SPTLC2: variants seen among roughly 807,000 people sequenced by gnomAD.
The protein encoded by SPTLC2 is serine palmitoyltransferase 2.
In SPTLC2, 21 loss-of-function variants were observed where a neutral mutation model predicts 62.0. The observed-to-expected ratio is 0.34, with a 90% confidence interval of 0.24 to 0.49. The LOEUF is 0.49. Among genes scored for constraint, SPTLC2 ranks in the 20% least tolerant of loss-of-function variants. The pLI, the probability that SPTLC2 is intolerant of heterozygous loss-of-function variation, is 0.99. For missense variants in SPTLC2, 511 were observed against 713.0 expected (o/e 0.72, Z 3.23); for synonymous variants, 261 against 261.8 (o/e 1.00, Z 0.03).
Position 77,555,429 on chromosome 14 carries a change from A to G in SPTLC2, c.1047T>C (p.Ile349=). ...AYLYLDEAHS[I]GALGPTGRGV... ...CCCGGCCTGTGGGGCCCAGGGCGCCAATGCTGTGAGCCTCATCCAGATACA... is the reference window on the plus strand; with the variant it reads ...CCCGGCCTGTGGGGCCCAGGGCGCCGATGCTGTGAGCCTCATCCAGATACA... The change falls in exon 8 of 12, where the codon ATT becomes ATC. Residue 349 remains isoleucine, a synonymous_variant. Transcript: ENST00000216484. 6.2e-7 allele frequency: 1 copy of G among 1,614,198 alleles called. No homozygotes were observed. Among genetic ancestry groups the G allele is most frequent in the Non-Finnish European group, 8.5e-7 (1 of 1,180,028 alleles).
chr14:77,517,277 T>C (rs2079363934), intron 11 of SPTLC2, among the ~76,000 whole-genome samples: 1 of 152,170 alleles, frequency 6.6e-6, no homozygotes. Context: ...GCTCTCTAAC[T>C]CATTAATGGA....
At chr14:77,591,719 TATGTATGTATG>T (rs1208756966) in intron 2 of SPTLC2, among the ~76,000 whole-genome samples, 2 of 146,594 alleles carry the variant, frequency 1.4e-5, no homozygotes, top group Admixed American at 7.0e-5. Context: ...TGTATGTATG[TATGTATGTATG>T]TATTTATTTT....
chr14:77,592,880 C>CAGGCTG (rs1385200409), intron 2 of SPTLC2, among the ~76,000 whole-genome samples: 5 of 151,984 alleles, frequency 3.3e-5, no homozygotes, highest in Non-Finnish European at 5.9e-5. Context: ...GAGGCCAAGG[C>CAGGCTG]AGGCTGAGGT....
chr14:77,549,882 C>T (rs997043072), intron 9 of SPTLC2, among the ~76,000 whole-genome samples: 1 of 152,200 alleles, frequency 6.6e-6, no homozygotes, highest in African/African-American at 2.4e-5. Flanking sequence ...TGTTCTGGAA[C>T]AGGGCAAATA....
chr14:77,572,393 T>C (rs1352979027), intron 4 of SPTLC2, among the ~76,000 whole-genome samples: 2 of 152,220 alleles, frequency 1.3e-5, no homozygotes, highest in African/African-American at 4.8e-5. Context: ...TACAGAAGGA[T>C]GATGCTACGG....
intron 1 of SPTLC2, among the ~76,000 whole-genome samples, chr14:77,610,123 T>C (rs1199603889): frequency 7.5e-6 from 1 of 133,966 alleles, no homozygotes; most frequent in African/African-American, 2.8e-5. Flanking sequence ...TGGTGTGAAA[T>C]GGTATCTAAC....
At chr14:77,557,188 T>A (rs1243854114) in intron 6 of SPTLC2, 42 bp from the exon 7 acceptor site, 1 of 1,488,458 alleles carries the variant, frequency 6.7e-7, no homozygotes, top group East Asian at 2.3e-5. Flanking sequence ...CATCTTCCTC[T>A]TTCCTAACTT....
intron 9 of SPTLC2, among the ~76,000 whole-genome samples, chr14:77,529,896 G>A (rs2079429405): frequency 6.6e-6 from 1 of 151,914 alleles, no homozygotes; most frequent in Non-Finnish European, 1.5e-5. Context: ...CAATTTCTAA[G>A]CAGGGGAATA....
At chr14:77,536,023 A>G in intron 9 of SPTLC2, 1 of 441,548 alleles carries the variant, frequency 2.3e-6, no homozygotes, top group Non-Finnish European at 4.5e-6. Flanking sequence ...AGGAAACACA[A>G]AAGAAAAAGT....
intron 5 of SPTLC2, among the ~76,000 whole-genome samples, 177 bp downstream of exon 5, chr14:77,570,206 GA>G (rs1218706942): frequency 1.2e-5 from 1 of 85,500 alleles, no homozygotes; most frequent in Non-Finnish European, 2.2e-5. Flanking sequence ...CTGGGCGAAA[GA>G]ACAAGACTCC....
intron 2 of SPTLC2, among the ~76,000 whole-genome samples, chr14:77,591,706 G>C (rs2079817729): frequency 7.3e-6 from 1 of 136,186 alleles, no homozygotes; most frequent in East Asian, 2.0e-4. Context: ...ATGTATGTAT[G>C]TATGTATGTA....
chr14:77,615,970 G>A (rs2079964384), intron 1 of SPTLC2, among the ~76,000 whole-genome samples: 1 of 152,176 alleles, frequency 6.6e-6, no homozygotes, highest in Admixed American at 6.5e-5. Flanking sequence ...GAGGCTGGGT[G>A]TGTTTCCATC....
At position 77,511,244 on chromosome 14, in the gene SPTLC2, CTT is replaced by C. The variant is rs2079330888; in HGVS notation, c.*1038_*1039del. The C allele has an allele frequency of 6.6e-6, 1 of 152,204 alleles. No individual in the cohort carries two copies. The highest frequency in any genetic ancestry group is 2.4e-5 in the African/African-American group (1 of 41,442). 9.4% of individuals were successfully genotyped at this position (152,204 alleles called of 1,614,324 possible). On this transcript the variant is annotated 3_prime_UTR_variant, in exon 12 of 12. Coordinates refer to ENST00000216484, the MANE Select transcript of SPTLC2 (RefSeq NM_004863.4). ...TCCTTAAATAGGAACATGATAAATGCTTTCTGAGCAGAGGATTTACCAACAGT... is the reference window on the plus strand; with the variant it reads ...TCCTTAAATAGGAACATGATAAATGCTCTGAGCAGAGGATTTACCAACAGT...
intron 2 of SPTLC2, among the ~76,000 whole-genome samples, chr14:77,596,471 C>T (rs2079848174): frequency 6.6e-6 from 1 of 152,112 alleles, no homozygotes; most frequent in Admixed American, 6.6e-5. Context: ...CCACTGCACT[C>T]CAGCCTGGGT....
At chr14:77,616,050 A>G (rs1206206986) in intron 1 of SPTLC2, among the ~76,000 whole-genome samples, 2 of 152,180 alleles carry the variant, frequency 1.3e-5, no homozygotes, top group African/African-American at 4.8e-5. Context: ...CGACTGCAGG[A>G]CTTTAAAAGG....
intron 1 of SPTLC2, among the ~76,000 whole-genome samples, chr14:77,604,760 G>A (rs922120698): frequency 1.3e-5 from 2 of 151,468 alleles, no homozygotes; most frequent in South Asian, 2.1e-4. Context: ...CCAGCTACTC[G>A]GGAGGCTGAG....
chr14:77,572,887 T>G (rs377391677), intron 4 of SPTLC2, among the ~76,000 whole-genome samples: 200 of 152,362 alleles, frequency 1.3e-3, no homozygotes, highest in African/African-American at 4.1e-3. Flanking sequence ...GATCTTCTTC[T>G]GGATTAGATT....
chr14:77,604,148 A>G (rs1332784532), intron 1 of SPTLC2, among the ~76,000 whole-genome samples: 1 of 152,218 alleles, frequency 6.6e-6, no homozygotes, highest in Non-Finnish European at 1.5e-5. Context: ...TGTTGTGACT[A>G]TATTTCCTGG....
At chr14:77,559,708 A>G (rs2079604429) in intron 6 of SPTLC2, among the ~76,000 whole-genome samples, 1 of 152,090 alleles carries the variant, frequency 6.6e-6, no homozygotes, top group Non-Finnish European at 1.5e-5. Context: ...TGGGCAACAC[A>G]GCGAGACTTT....
Sources: allele counts gnomAD v4.1 joint callset (sites outside exome capture counted in the v4.1 genomes callset), GRCh38; gene constraint gnomAD v4.1.1; transcripts MANE v1.5; gene names NCBI Gene and HGNC (gene_info 2026-07-23, HGNC 2026-07-21).